Variants in SCN3A observed in about 807,000 individuals in gnomAD.
The protein encoded by SCN3A is sodium voltage-gated channel alpha subunit 3.
Under a neutral mutation model 187.6 loss-of-function variants are expected in SCN3A, and 60 were observed. The ratio of observed to expected loss-of-function variants is 0.32; its 90% confidence interval spans 0.26 to 0.40. The LOEUF is 0.40. Ranked by LOEUF, SCN3A falls within the 10% of genes least tolerant of loss-of-function variation. SCN3A has a pLI of 1.00. For synonymous variants in SCN3A, 788 were observed against 829.2 expected (o/e 0.95, Z 0.85); for missense variants, 1,601 against 2,428.2 (o/e 0.66, Z 7.16).
At chr2:165,163,731 A>G in intron 6 of SCN3A, 22 bp from the exon 7 acceptor site, 1 of 1,614,018 alleles carries the variant, frequency 6.2e-7, no homozygotes, top group Middle Eastern at 1.6e-4. Context: ...GAGTTCACAC[A>G]CAAACACAAT....
At chr2:165,136,369 G>T (rs1445574552) in intron 15 of SCN3A, among the ~76,000 whole-genome samples, 1 of 152,078 alleles carries the variant, frequency 6.6e-6, no homozygotes, top group Non-Finnish European at 1.5e-5. Flanking sequence ...TCAAAGAAAG[G>T]TCTAAAAGGT....
chr2:165,105,228 T>C (rs1312092809), intron 21 of SCN3A, among the ~76,000 whole-genome samples: 2 of 152,174 alleles, frequency 1.3e-5, no homozygotes, highest in Non-Finnish European at 2.9e-5. Flanking sequence ...ACTTCACAAC[T>C]TCTGGAGTAA....
rs1691260159 is a variant in SCN3A, at chr2:165,186,634, A to C, written c.-134T>G. 1 of 152,124 alleles carries C rather than the reference A, an allele frequency of 6.6e-6. No homozygotes were observed. Among genetic ancestry groups the C allele is most frequent in the Non-Finnish European group, 1.5e-5 (1 of 68,040 alleles). 9.4% of individuals were successfully genotyped at this position (152,124 alleles called of 1,614,324 possible). Reference sequence around the variant, plus strand: ...TCATTTATTCTTACAATATCCCTAGAAGAGATTCTTTGCTCCTTTCCCAGT... The same window carrying C: ...TCATTTATTCTTACAATATCCCTAGCAGAGATTCTTTGCTCCTTTCCCAGT... On this transcript the variant is annotated 5_prime_UTR_variant, in exon 2 of 28. Coordinates refer to ENST00000283254, the MANE Select transcript of SCN3A (RefSeq NM_006922.4).
rs763004206 is a variant in SCN3A at position 165,090,434 on chromosome 2, T to C, written c.5719A>G (p.Ile1907Val). 6.2e-7 allele frequency: 1 copy of C among 1,613,954 alleles called. No individual in the cohort carries two copies. The highest frequency in any genetic ancestry group is 1.1e-5 in the South Asian group (1 of 91,076). ...RKQEEVSAAI[I>V]QRNFRCYLLK... is the part of the protein sequence containing the mutation. ...AGATAACATCTGAAATTACGCTGAATGATAGCGGCAGACACCTCCTCTTGT... is the reference window on the plus strand; with the variant it reads ...AGATAACATCTGAAATTACGCTGAACGATAGCGGCAGACACCTCCTCTTGT... Residue 1907 changes from isoleucine (I) to valine (V), a missense_variant, in exon 28 of 28, where the codon ATT (isoleucine) becomes GTT (valine). By Grantham distance (29) the Ile-to-Val change is conservative (BLOSUM62 3). Transcript: ENST00000283254. This position sits in a 1 kb window ranked among gnomAD's most constrained non-coding sequence, Gnocchi z 4.0.
intron 15 of SCN3A, 64 bp downstream of exon 15, chr2:165,137,815 T>C: frequency 3.2e-6 from 4 of 1,255,794 alleles, no homozygotes; most frequent in Non-Finnish European, 4.7e-6. Context: ...CAAATACATC[T>C]TTCCCTTTGG....
chr2:165,192,467 C>T (rs1050069791), intron 1 of SCN3A, among the ~76,000 whole-genome samples: 1 of 151,974 alleles, frequency 6.6e-6, no homozygotes, highest in Non-Finnish European at 1.5e-5. Context: ...GATAAGAAAA[C>T]TATAATGTTC....
intron 9 of SCN3A, among the ~76,000 whole-genome samples, chr2:165,156,214 T>A (rs987168969): frequency 3.9e-4 from 59 of 151,944 alleles, no homozygotes; most frequent in African/African-American, 1.4e-3. Context: ...GAATCAATAG[T>A]TAAAAATTAA....
intron 15 of SCN3A, among the ~76,000 whole-genome samples, chr2:165,132,613 CT>C (rs1158902211): frequency 6.6e-6 from 1 of 152,106 alleles, no homozygotes; most frequent in Admixed American, 6.6e-5. Flanking sequence ...TTCCTTACAC[CT>C]TATACAAAAA....
intron 27 of SCN3A, chr2:165,091,764 A>T (rs1043573477): frequency 7.5e-6 from 2 of 266,120 alleles, no homozygotes; most frequent in Admixed American, 1.0e-4. Context: ...TGAAGTTTCT[A>T]AATTTGGGGT....
intron 20 of SCN3A, 98 bp from the exon 21 acceptor site, chr2:165,113,156 T>A: frequency 1.2e-6 from 1 of 861,840 alleles, no homozygotes; most frequent in Non-Finnish European, 1.9e-6. Flanking sequence ...AACAATAATT[T>A]GATTATTGAT....
intron 3 of SCN3A, among the ~76,000 whole-genome samples, chr2:165,173,069 A>G (rs1690211460): frequency 6.6e-6 from 1 of 152,160 alleles, no homozygotes; most frequent in Non-Finnish European, 1.5e-5. Context: ...TAAACCAGCT[A>G]TTTTGTACTC....
intron 18 of SCN3A, among the ~76,000 whole-genome samples, chr2:165,118,997 C>T (rs915505183): frequency 1.2e-4 from 18 of 150,902 alleles, no homozygotes; most frequent in East Asian, 4.0e-4. Flanking sequence ...CTCCTGACTT[C>T]GTGATCAGCC....
intron 5 of SCN3A, 47 bp downstream of exon 5, chr2:165,168,689 A>G: frequency 7.9e-7 from 1 of 1,271,856 alleles, no homozygotes; most frequent in Non-Finnish European, 1.2e-6. Context: ...AGATTGCTAG[A>G]GAATTTGAGT....
intron 18 of SCN3A, among the ~76,000 whole-genome samples, chr2:165,126,652 C>T (rs1479542939): frequency 7.4e-6 from 1 of 134,768 alleles, no homozygotes; most frequent in East Asian, 2.6e-4. Flanking sequence ...TCCTTTCCCT[C>T]CCTTCCTCCC....
chr2:165,144,004 TA>T (rs1419879658), intron 12 of SCN3A, among the ~76,000 whole-genome samples: 1 of 152,200 alleles, frequency 6.6e-6, no homozygotes, highest in African/African-American at 2.4e-5. Context: ...ATTATCTGTT[TA>T]AAAATAAAAT....
At chr2:165,200,651 T>A (rs1173464285) in intron 1 of SCN3A, among the ~76,000 whole-genome samples, 3 of 151,786 alleles carry the variant, frequency 2.0e-5, no homozygotes, top group Non-Finnish European at 4.4e-5. Flanking sequence ...TAATCAAGAG[T>A]CCATTAAGTC....
intron 20 of SCN3A, among the ~76,000 whole-genome samples, chr2:165,113,320 C>T (rs1344774743): frequency 1.3e-5 from 2 of 152,096 alleles, no homozygotes; most frequent in East Asian, 3.8e-4. Flanking sequence ...GTTACAAAGA[C>T]ATGCTTTTAA....
intron 2 of SCN3A, among the ~76,000 whole-genome samples, chr2:165,180,656 T>C (rs1433764533): frequency 6.6e-6 from 1 of 152,130 alleles, no homozygotes; most frequent in Admixed American, 6.6e-5. Flanking sequence ...CAATTCATTA[T>C]GGGTGGACAT....
At chr2:165,146,678 A>G (rs1688355405) in intron 12 of SCN3A, 61 bp downstream of exon 12, 1 of 1,592,346 alleles carries the variant, frequency 6.3e-7, no homozygotes, top group Non-Finnish European at 8.6e-7. Flanking sequence ...AAAACAAAAT[A>G]CAAAAACTAA....
Sources: allele counts gnomAD v4.1 joint callset (sites outside exome capture counted in the v4.1 genomes callset), GRCh38; gene constraint gnomAD v4.1.1; non-coding constraint Gnocchi (gnomAD v3.1); transcripts MANE v1.5; gene names NCBI Gene and HGNC (gene_info 2026-07-23, HGNC 2026-07-21).